The following ADAMTS13 variants were observed in gnomAD, a reference collection of about 807,000 sequenced individuals.
ADAMTS13 encodes ADAM metallopeptidase with thrombospondin type 1 motif 13, also known as A disintegrin and metalloproteinase with thrombospondin motifs 13.
A neutral mutation model predicts 155.1 loss-of-function variants in ADAMTS13; 110 were observed. That is an observed-to-expected ratio of 0.71 (90% CI 0.61 to 0.83). The LOEUF (loss-of-function observed/expected upper bound fraction) is 0.83, where lower values mean the gene tolerates loss of function less well. Among genes scored for constraint, ADAMTS13 ranks in the 40% least tolerant of loss-of-function variants. The pLI, the probability that ADAMTS13 is intolerant of heterozygous loss-of-function variation, is 0.00. For missense variants in ADAMTS13, 1,707 were observed against 1,891.7 expected, an observed-to-expected ratio of 0.90 and a Z score of 1.81; for synonymous variants, 758 against 756.4, an observed-to-expected ratio of 1.00 and a Z score of -0.03.
chr9:133,427,656 G>A (rs1554785605), intron 6 of ADAMTS13, among the ~76,000 whole-genome samples: 1 of 152,156 alleles, frequency 6.6e-6, no homozygotes, highest in Non-Finnish European at 1.5e-5. Context: ...GGAGCAGGTG[G>A]TGTTAGACAG....
chr9:133,445,696 C>T lies in ADAMTS13; in HGVS notation c.2611-3C>T, dbSNP rs1413249724. ...CCCACCAGCTTGTTGCTATTCCCCACAGCTGGATGCCACCTCTGCAGGGGA... is the reference window on the plus strand; with the variant it reads ...CCCACCAGCTTGTTGCTATTCCCCATAGCTGGATGCCACCTCTGCAGGGGA... On this transcript the variant is annotated splice_polypyrimidine_tract_variant and splice_region_variant and intron_variant, in intron 20 of 28. Coordinates refer to ENST00000355699, the MANE Select transcript of ADAMTS13 (RefSeq NM_139027.6). The surrounding 1 kb of genome is among the most constrained non-coding windows in gnomAD (Gnocchi z 5.0). 1.9e-6 allele frequency: 3 copies of T among 1,612,996 alleles called. No individual in the cohort carries two copies. The highest frequency in any genetic ancestry group is 8.5e-7 in the Non-Finnish European group (1 of 1,179,860).
rs1554796158 is a variant in ADAMTS13 at position 133,456,705 on chromosome 9, A to G, written c.3710A>G (p.Glu1237Gly). The G allele has an allele frequency of 1.3e-6, 2 of 1,568,898 alleles. No homozygotes were observed. Among genetic ancestry groups the G allele is most frequent in the Non-Finnish European group, 1.7e-6 (2 of 1,156,072 alleles). Reference protein sequence around the residue: ...LLRYGSQLAPETFYRECDMQL... With the variant: ...LLRYGSQLAPGTFYRECDMQL... ...CGGTATGGGAGCCAGCTTGCTCCTG[A>G]AACCTTCTACAGAGGTATGGCCAGG... Residue 1237 changes from glutamate (E) to glycine (G), a missense_variant, in exon 27 of 29, where the codon GAA becomes GGA. Transcript: ENST00000355699. This position sits in a 1 kb window ranked among gnomAD's most constrained non-coding sequence, Gnocchi z 4.4.
rs930167602 is a variant in ADAMTS13 at position 133,439,537 on chromosome 9, G to T, written c.1786+91G>T. 57 of 1,193,294 alleles carry T rather than the reference G, an allele frequency of 4.8e-5. No individual in the cohort carries two copies. In the African/African-American group the frequency reaches 8.4e-4, roughly 18 times the overall value. The allele number at this position is 1,193,294 out of a possible 1,614,324, so 73.9% of individuals were successfully genotyped here. A position where few individuals can be genotyped will look rare whatever the true frequency, so the allele number is the denominator to read the frequency against. On this transcript the variant is annotated intron_variant, in intron 15 of 28. Transcript: ENST00000355699. Reference sequence around the variant, plus strand: ...GATGCCCTCACTTCTGACATCACCCGCAAGTTCAGGGGGTTCCCCAAACCA... The same window carrying T: ...GATGCCCTCACTTCTGACATCACCCTCAAGTTCAGGGGGTTCCCCAAACCA...
intron 7 of ADAMTS13, among the ~76,000 whole-genome samples, chr9:133,429,507 C>G (rs1254456993): frequency 1.3e-5 from 1 of 79,218 alleles, no homozygotes; most frequent in African/African-American, 5.2e-5. Context: ...CCACCCTGTT[C>G]CTGCACCCAC....
intron 15 of ADAMTS13, 27 bp downstream of exon 15, chr9:133,439,473 A>T: frequency 1.3e-6 from 2 of 1,584,480 alleles, no homozygotes; most frequent in Non-Finnish European, 1.7e-6. Flanking sequence ...ACTCCCACCC[A>T]GTTAGCTAGA....
At chr9:133,443,291 G>T in intron 18 of ADAMTS13, 85 bp from the exon 19 acceptor site, 1 of 1,493,644 alleles carries the variant, frequency 6.7e-7, no homozygotes, top group Non-Finnish European at 9.0e-7. Context: ...CCCAGACCGG[G>T]GGAGTACATC....
At chr9:133,449,347 G>C (rs1429161719) in intron 22 of ADAMTS13, among the ~76,000 whole-genome samples, 1 of 151,936 alleles carries the variant, frequency 6.6e-6, no homozygotes, top group Non-Finnish European at 1.5e-5. Flanking sequence ...AGGGGGAAAG[G>C]GGGACAGATA....
chr9:133,438,146 G>A lies in ADAMTS13; in HGVS notation c.1585-100G>A. ...GGTGGGGTGCTATAGAAGTGTTGCT[G>A]GTTTTGTGGATCCCAGAATCTCAGA... is the stretch of plus-strand genomic sequence containing the variant. On this transcript the variant is annotated intron_variant, in intron 13 of 28. Coordinates refer to ENST00000355699, the MANE Select transcript of ADAMTS13 (RefSeq NM_139027.6). 4 of 1,598,026 alleles carry A rather than the reference G, an allele frequency of 2.5e-6. No individual in the cohort carries two copies. In the South Asian group the frequency reaches 4.4e-5, roughly 18 times the overall value.
intron 7 of ADAMTS13, 90 bp from the exon 8 acceptor site, chr9:133,429,849 C>T: frequency 6.7e-7 from 1 of 1,496,166 alleles, no homozygotes; most frequent in Non-Finnish European, 9.0e-7. Flanking sequence ...CGCTTCCAAA[C>T]GCTTCCATCC....
chr9:133,422,404 C>T lies in ADAMTS13; in HGVS notation c.-40C>T. The T allele has an allele frequency of 6.3e-7, 1 of 1,585,842 alleles. No individual in the cohort carries two copies. Among genetic ancestry groups the T allele is most frequent in the Non-Finnish European group, 8.6e-7 (1 of 1,158,036 alleles). On this transcript the variant is annotated 5_prime_UTR_variant, in exon 1 of 29. Coordinates refer to ENST00000355699, the MANE Select transcript of ADAMTS13 (RefSeq NM_139027.6). Reference sequence around the variant, plus strand: ...CCAGATTCCCAGTCACCAAGGCCCCCTCTCACTCCGCTCCACTCCTCGGGC... The same window carrying T: ...CCAGATTCCCAGTCACCAAGGCCCCTTCTCACTCCGCTCCACTCCTCGGGC...
chr9:133,424,922 G>A lies in ADAMTS13; in HGVS notation c.330+444G>A, dbSNP rs1025594778. ...CTAAACAGAGACTGCTGGCAAAGGA[G>A]ATGCCCACCTTCATTTCTTGCTAGC... On this transcript the variant is annotated intron_variant, in intron 3 of 28. Transcript: ENST00000355699. This position sits in a 1 kb window ranked among gnomAD's most constrained non-coding sequence, Gnocchi z 4.3. 2.6e-5 allele frequency among the ~76,000 whole-genome samples: 4 copies of A among 152,220 alleles called. No homozygotes were observed. Among genetic ancestry groups the A allele is most frequent in the African/African-American group, 9.6e-5 (4 of 41,454 alleles).
chr9:133,456,429 C>A lies in ADAMTS13; in HGVS notation c.3548-114C>A. ...TGATGTGCCCAGTTACTTAGAGTCA[C>A]ATAGCCAGCAGTGGGAGAGGTGGGA... On this transcript the variant is annotated intron_variant, in intron 26 of 28. Transcript: ENST00000355699. This position sits in a 1 kb window ranked among gnomAD's most constrained non-coding sequence, Gnocchi z 4.4. 1.4e-6 allele frequency: 2 copies of A among 1,433,848 alleles called. No individual in the cohort carries two copies. Among genetic ancestry groups the A allele is most frequent in the Non-Finnish European group, 1.9e-6 (2 of 1,047,222 alleles). 88.8% of individuals were successfully genotyped at this position (1,433,848 alleles called of 1,614,324 possible).
At chr9:133,422,651 T>A in intron 1 of ADAMTS13, 103 bp downstream of exon 1, 4 of 1,188,442 alleles carry the variant, frequency 3.4e-6, no homozygotes, top group Non-Finnish European at 4.9e-6. Flanking sequence ...TACATCAGCT[T>A]TGGGGTTTGC....
rs143171421 is a variant in ADAMTS13, at chr9:133,442,963, A to G, written c.2234+220A>G. ...GAGGCTTGGGGCAGACATGGTGACA[A>G]TGTCAGCCCAGTGGGACCCACACCT... On this transcript the variant is annotated intron_variant, in intron 18 of 28. Coordinates refer to ENST00000355699, the MANE Select transcript of ADAMTS13 (RefSeq NM_139027.6). Among the ~76,000 whole-genome samples the G allele has an allele frequency of 5.6e-4, 85 of 152,290 alleles. 2 individuals are homozygous for G. The highest frequency in any genetic ancestry group is 1.9e-3 in the African/African-American group (81 of 41,564).
At chr9:133,452,338 C>A (rs1842485122) in intron 23 of ADAMTS13, among the ~76,000 whole-genome samples, 1 of 152,104 alleles carries the variant, frequency 6.6e-6, no homozygotes, top group Non-Finnish European at 1.5e-5. Flanking sequence ...TCTTGAACTC[C>A]TGACCTCAAG....
chr9:133,414,570 A>G, exon 1 of ADAMTS13: 1 of 1,047,136 alleles, frequency 9.5e-7, no homozygotes, highest in Non-Finnish European at 1.5e-6. Flanking sequence ...AAAGTGATGG[A>G]GAGACTGCGG....
In ADAMTS13 at chr9:133,428,674, G is replaced by A. The variant is rs1465338889; in HGVS notation, c.727G>A (p.Gly243Ser). The A allele has an allele frequency of 1.8e-5, 24 of 1,360,788 alleles. No homozygotes were observed. Among genetic ancestry groups the A allele is most frequent in the Non-Finnish European group, 2.2e-5 (23 of 1,053,306 alleles). The allele number at this position is 1,360,788 out of a possible 1,614,324, so 84.3% of individuals were successfully genotyped here. ...CGACGGCGCGCCCGGCAGCGGCTGC[G>A]GCCCCAGCGGACACGTGATGGCTTC... ...EHDGAPGSGCGPSGHVMASDG... is the reference protein window; with the variant it reads ...EHDGAPGSGCSPSGHVMASDG... Residue 243 changes from glycine to serine, a missense_variant, in exon 7 of 29, where the codon GGC becomes AGC. By Grantham distance (56) the Gly-to-Ser change is moderately conservative. This residue lies in a region of ADAMTS13 where 733 missense variants were observed against 749.6 expected (regional missense o/e 0.98). Coordinates refer to ENST00000355699, the MANE Select transcript of ADAMTS13 (RefSeq NM_139027.6).
At position 133,425,745 on chromosome 9, in the gene ADAMTS13, C is replaced by G. The variant is rs1264980614; in HGVS notation, c.414+133C>G. 1.4e-6 allele frequency: 2 copies of G among 1,382,954 alleles called. No individual in the cohort carries two copies. The highest frequency in any genetic ancestry group is 2.9e-5 in the African/African-American group (2 of 69,732). The allele number at this position is 1,382,954 out of a possible 1,614,324, so 85.7% of individuals were successfully genotyped here. On this transcript the variant is annotated intron_variant, in intron 4 of 28. Transcript: ENST00000355699. The surrounding 1 kb of genome is among the most constrained non-coding windows in gnomAD (Gnocchi z 4.6). The stretch of plus-strand genomic sequence containing the variant: ...CACAGAATGCATTCAGCCAGACAGA[C>G]CAGCTGCCCTCCCAGCTCTACCCAG...
chr9:133,430,973 T>TA (rs1380963173), intron 8 of ADAMTS13, among the ~76,000 whole-genome samples: 2 of 151,968 alleles, frequency 1.3e-5, no homozygotes, highest in Non-Finnish European at 2.9e-5. Flanking sequence ...TCTTTTTTTT[T>TA]AAATTCTTTT....
Sources: allele counts gnomAD v4.1 joint callset (sites outside exome capture counted in the v4.1 genomes callset), GRCh38; gene constraint gnomAD v4.1.1; regional missense constraint gnomAD v4.1.1; non-coding constraint Gnocchi (gnomAD v3.1); transcripts MANE v1.5; gene names NCBI Gene and HGNC (gene_info 2026-07-23, HGNC 2026-07-21).